The following MKRN2OS variants were observed in gnomAD, a reference collection of about 807,000 sequenced individuals.
The protein encoded by MKRN2OS is MKRN2 opposite strand.
In MKRN2OS, 17 loss-of-function variants were observed where a neutral mutation model predicts 18.2. That is an observed-to-expected ratio of 0.93 (90% CI 0.64 to 1.40). The LOEUF is 1.40. MKRN2OS is among the 40% of genes most tolerant of loss of function. MKRN2OS has a pLI of 0.00. For synonymous variants in MKRN2OS, 121 were observed against 108.5 expected (o/e 1.12, Z -0.72); for missense variants, 337 against 283.0 (o/e 1.19, Z -1.37).
intron 3 of MKRN2OS, among the ~76,000 whole-genome samples, chr3:12,540,877 C>CAAAA (rs11369647): frequency 0.077 from 4,585 of 59,490 alleles, 213 homozygotes; most frequent in African/African-American, 0.1. Context: ...GACTCCATCT[C>CAAAA]AAAAAAAAAA....
chr3:12,555,113 C>A (rs1025123255), intron 1 of MKRN2OS, among the ~76,000 whole-genome samples: 13 of 152,224 alleles, frequency 8.5e-5, no homozygotes, highest in Middle Eastern at 3.4e-3. Context: ...AGTTCGAGAC[C>A]AGCCTGGGCA....
At chr3:12,545,162 A>G in intron 1 of MKRN2OS, 85 bp downstream of exon 1, 2 of 1,092,086 alleles carry the variant, frequency 1.8e-6, no homozygotes, top group Non-Finnish European at 2.5e-6. Context: ...CTCACACATT[A>G]TGTATTAAGA....
intron 1 of MKRN2OS, among the ~76,000 whole-genome samples, chr3:12,543,910 T>A (rs903929276): frequency 5.2e-5 from 7 of 133,648 alleles, no homozygotes; most frequent in South Asian, 4.6e-4. Context: ...AAAAAAAAAA[T>A]AACAGTTTTA....
intron 1 of MKRN2OS, 30 bp from the exon 2 acceptor site, chr3:12,543,259 G>A: frequency 6.6e-7 from 1 of 1,517,460 alleles, no homozygotes; most frequent in Non-Finnish European, 8.8e-7. Context: ...TTTTTTTTTG[G>A]TTTGCATGTA....
Position 12,545,422 on chromosome 3 carries a change from G to T in MKRN2OS, c.43C>A (p.His15Asn). 1.3e-6 allele frequency: 2 copies of T among 1,535,070 alleles called. No homozygotes were observed. The highest frequency in any genetic ancestry group is 1.7e-6 in the Non-Finnish European group (2 of 1,146,480). Residue 15 changes from histidine to asparagine, a missense_variant, in exon 1 of 4, where the codon CAC becomes AAC. Coordinates refer to ENST00000564146, the MANE Select transcript of MKRN2OS (RefSeq NM_001195279.2). ...EAGKALIKFN[H>N]CEKYIYSFSV... ...AAGCTGTAGATGTATTTCTCACAGT[G>T]GTTGAATTTAATTAAAGCCTTCCCA...
At position 12,540,311 on chromosome 3, in the gene MKRN2OS, C is replaced by T. The variant is rs868410659; in HGVS notation, c.554G>A (p.Arg185Gln). 8 of 1,536,078 alleles carry T rather than the reference C, an allele frequency of 5.2e-6. No homozygotes were observed. Among genetic ancestry groups the T allele is most frequent in the Admixed American group, 3.9e-5 (2 of 50,996 alleles). The change falls in exon 4 of 4, where the codon CGG (arginine) becomes CAG (glutamine). Residue 185 changes from arginine (R) to glutamine (Q), a missense_variant. Arg to Gln is a conservative substitution (Grantham distance 43). Coordinates refer to ENST00000564146, the MANE Select transcript of MKRN2OS (RefSeq NM_001195279.2). ...GEFTEKYVVP[R>Q]TRLASKFITL... is the part of the protein sequence containing the mutation. Reference sequence around the variant, plus strand: ...GATGAACTTGGATGCCAGCCTTGTCCGCGGGACCACGTACTTCTCCGTAAA... The same window carrying T: ...GATGAACTTGGATGCCAGCCTTGTCTGCGGGACCACGTACTTCTCCGTAAA...
intron 1 of MKRN2OS, 125 bp from the exon 2 acceptor site, chr3:12,543,354 A>T: frequency 1.4e-6 from 1 of 707,354 alleles, no homozygotes; most frequent in Non-Finnish European, 2.3e-6. Flanking sequence ...TGGGAGGCCA[A>T]GGCGGGCAGA....
downstream of MKRN2OS, among the ~76,000 whole-genome samples, chr3:12,553,617 G>A (rs2057944778): frequency 2.0e-5 from 3 of 152,024 alleles, no homozygotes; most frequent in South Asian, 6.2e-4. Flanking sequence ...AACAAAATAA[G>A]ATGTACACTA....
At chr3:12,555,896 A>G (rs2057965187) in intron 1 of MKRN2OS, among the ~76,000 whole-genome samples, 1 of 152,102 alleles carries the variant, frequency 6.6e-6, no homozygotes, top group South Asian at 2.1e-4. Context: ...AGGTTAAGGC[A>G]GAGGACTGCT....
In MKRN2OS at chr3:12,540,438, T is replaced by C. The variant is rs762001350; in HGVS notation, c.432-5A>G. ...TTATGGTGGTTGTCTTCATACCTTA[T>C]GGAGGAGAATAAGGGTGTTGAGAAG... is the stretch of plus-strand genomic sequence containing the variant. On this transcript the variant is annotated splice_polypyrimidine_tract_variant and splice_region_variant and intron_variant, in intron 3 of 3. Coordinates refer to ENST00000564146, the MANE Select transcript of MKRN2OS (RefSeq NM_001195279.2). 2 of 1,535,952 alleles carry C rather than the reference T, an allele frequency of 1.3e-6. No individual in the cohort carries two copies. Among genetic ancestry groups the C allele is most frequent in the East Asian group, 2.4e-5 (1 of 40,920 alleles).
chr3:12,545,075 C>T (rs189354324), intron 1 of MKRN2OS, among the ~76,000 whole-genome samples, 172 bp downstream of exon 1: 3 of 152,182 alleles, frequency 2.0e-5, no homozygotes, highest in East Asian at 3.9e-4. Context: ...CATATGCACA[C>T]CATCTGTTTT....
At chr3:12,546,072 A>T (rs1559381946), upstream of MKRN2OS, among the ~76,000 whole-genome samples, 1 of 152,170 alleles carries the variant, frequency 6.6e-6, no homozygotes. Context: ...AATTACACGC[A>T]TGAGCCACTG....
chr3:12,550,084 C>T (rs141921231), upstream of MKRN2OS, among the ~76,000 whole-genome samples: 6 of 152,272 alleles, frequency 3.9e-5, no homozygotes, highest in African/African-American at 1.4e-4. Flanking sequence ...AGAAATTGTG[C>T]TCTTTGGTAT....
chr3:12,542,258 G>C (rs1021692377), intron 2 of MKRN2OS, among the ~76,000 whole-genome samples: 9 of 152,138 alleles, frequency 5.9e-5, no homozygotes, highest in Non-Finnish European at 1.5e-5. Context: ...CCCAGTTCTA[G>C]CTCTACCTGC....
chr3:12,549,370 A>G (rs1223768449), upstream of MKRN2OS, among the ~76,000 whole-genome samples: 1 of 151,902 alleles, frequency 6.6e-6, no homozygotes, highest in Non-Finnish European at 1.5e-5. Context: ...TAGCCTCCCA[A>G]GTAACTTGGA....
chr3:12,541,901 G>A lies in MKRN2OS; in HGVS notation c.390C>T (p.Tyr130=). ...MYGMMEQWDK[Y]LEDFSTSGAW... is the part of the protein sequence containing the mutation. ...CCCCCGAGGTGGAGAAGTCTTCCAGGTACTTGTCCCATTGCTCCATCATTC... is the reference window on the plus strand; with the variant it reads ...CCCCCGAGGTGGAGAAGTCTTCCAGATACTTGTCCCATTGCTCCATCATTC... The change falls in exon 3 of 4, where the codon TAC becomes TAT. Residue 130 remains tyrosine, a synonymous_variant. Coordinates refer to ENST00000564146, the MANE Select transcript of MKRN2OS (RefSeq NM_001195279.2). 6.5e-7 allele frequency: 1 copy of A among 1,536,042 alleles called. No homozygotes were observed. Among genetic ancestry groups the A allele is most frequent in the Non-Finnish European group, 8.7e-7 (1 of 1,146,894 alleles).
intron 2 of MKRN2OS, among the ~76,000 whole-genome samples, chr3:12,542,357 A>G (rs547605770): frequency 6.6e-6 from 1 of 152,296 alleles, no homozygotes; most frequent in South Asian, 2.1e-4. Flanking sequence ...GAAGTTCTCT[A>G]TTTACCAATG....
chr3:12,544,981 A>G (rs907349333), intron 1 of MKRN2OS, among the ~76,000 whole-genome samples: 1 of 152,218 alleles, frequency 6.6e-6, no homozygotes, highest in Admixed American at 6.5e-5. Context: ...GCCTCTGAGC[A>G]CATATTTTTC....
chr3:12,540,990 T>G (rs1018314897), intron 3 of MKRN2OS, among the ~76,000 whole-genome samples: 9 of 151,516 alleles, frequency 5.9e-5, no homozygotes, highest in Non-Finnish European at 1.5e-5. Flanking sequence ...GGTTACTCAG[T>G]TGCAAGTTAA....
Sources: gnomAD v4.1 joint callset for allele counts (sites outside exome capture counted in the v4.1 genomes callset) on GRCh38, gnomAD v4.1.1 for gene constraint, MANE v1.5 for transcripts, NCBI Gene and HGNC (gene_info 2026-07-23, HGNC 2026-07-21) for gene names.